Variants in SPIN1 observed in about 807,000 individuals in gnomAD.
The protein encoded by SPIN1 is spindlin 1, also known as spindlin-1.
Under a neutral mutation model 26.0 loss-of-function variants are expected in SPIN1, and 3 were observed. The observed-to-expected ratio is 0.12, with a 90% confidence interval of 0.05 to 0.30. The LOEUF (loss-of-function observed/expected upper bound fraction) is 0.30. SPIN1 is among the 10% of genes least tolerant of loss of function. The pLI, the probability that SPIN1 is intolerant of heterozygous loss-of-function variation, is 1.00. For synonymous variants in SPIN1, 101 were observed against 116.5 expected (o/e 0.87, Z 0.86); for missense variants, 126 against 333.4 (o/e 0.38, Z 4.84).
intron 1 of SPIN1, among the ~76,000 whole-genome samples, chr9:88,397,533 T>G (rs1249059125): frequency 6.6e-6 from 1 of 152,094 alleles, no homozygotes; most frequent in Non-Finnish European, 1.5e-5. Context: ...TTTAATGAAA[T>G]TTTCTGTGTG....
At chr9:88,397,326 C>T (rs554648791) in intron 1 of SPIN1, among the ~76,000 whole-genome samples, 24 of 152,062 alleles carry the variant, frequency 1.6e-4, no homozygotes, top group Non-Finnish European at 3.1e-4. Context: ...TGACTAATTA[C>T]TTTTGGGCCT....
chr9:88,428,293 A>G (rs1000417894), intron 2 of SPIN1, among the ~76,000 whole-genome samples: 1 of 152,238 alleles, frequency 6.6e-6, no homozygotes, highest in Non-Finnish European at 1.5e-5. Flanking sequence ...GATAGTGAAC[A>G]TACTAGTTCC....
chr9:88,423,245 T>C (rs1827704867), intron 1 of SPIN1, among the ~76,000 whole-genome samples: 1 of 152,220 alleles, frequency 6.6e-6, no homozygotes. Context: ...TTTCATTTCA[T>C]TGAATGAATT....
chr9:88,405,211 A>G (rs1055295722), intron 1 of SPIN1, among the ~76,000 whole-genome samples: 3 of 152,180 alleles, frequency 2.0e-5, no homozygotes, highest in Non-Finnish European at 4.4e-5. Flanking sequence ...AATGTACTGT[A>G]CGTAATTGTA....
At chr9:88,434,342 TAGTTTATTTTATAAATTATAAAA>T (rs1827952081) in intron 2 of SPIN1, among the ~76,000 whole-genome samples, 1 of 113,626 alleles carries the variant, frequency 8.8e-6, no homozygotes, top group Non-Finnish European at 1.8e-5. Flanking sequence ...AATTATAAAA[TAGTTTATTTTATAAATTATAAAA>T]TAGTTTATTT....
chr9:88,448,834 TTTC>T, intron 2 of SPIN1, 104 bp from the exon 3 acceptor site: 1 of 968,692 alleles, frequency 1.0e-6, no homozygotes, highest in Non-Finnish European at 1.6e-6. Context: ...AGTGGTGTAT[TTTC>T]TTTTCATATT....
chr9:88,471,491 T>C (rs1828784001), intron 5 of SPIN1, among the ~76,000 whole-genome samples: 1 of 151,624 alleles, frequency 6.6e-6, no homozygotes, highest in South Asian at 2.1e-4. Flanking sequence ...GGGGAAACCC[T>C]GTCTCTACTA....
At chr9:88,393,419 A>G (rs1225811862) in intron 1 of SPIN1, among the ~76,000 whole-genome samples, 1 of 150,090 alleles carries the variant, frequency 6.7e-6, no homozygotes, top group Non-Finnish European at 1.5e-5. Context: ...AAGGAGAGAA[A>G]AGAATGTCCT....
At chr9:88,411,384 C>A (rs543646195) in intron 1 of SPIN1, 5 of 1,592,456 alleles carry the variant, frequency 3.1e-6, no homozygotes, top group Non-Finnish European at 4.3e-6. Context: ...AGGCTCTCAT[C>A]GGTTGTTTCA....
At chr9:88,407,135 TAAAA>T (rs397893590) in intron 1 of SPIN1, among the ~76,000 whole-genome samples, 4 of 122,732 alleles carry the variant, frequency 3.3e-5, no homozygotes, top group Non-Finnish European at 3.4e-5. Context: ...GATCTTCCTT[TAAAA>T]AAAAAAAAAA....
At chr9:88,453,042 C>T (rs1828394886) in intron 3 of SPIN1, among the ~76,000 whole-genome samples, 1 of 152,112 alleles carries the variant, frequency 6.6e-6, no homozygotes, top group Non-Finnish European at 1.5e-5. Context: ...TATTTAAATA[C>T]TGGTTAGGAA....
chr9:88,438,999 A>G (rs1160668608), intron 2 of SPIN1, among the ~76,000 whole-genome samples: 1 of 152,160 alleles, frequency 6.6e-6, no homozygotes, highest in Non-Finnish European at 1.5e-5. Flanking sequence ...ACCATCCAGT[A>G]GAATGCTTGC....
chr9:88,418,382 A>G (rs966819678), intron 1 of SPIN1, among the ~76,000 whole-genome samples: 1 of 152,072 alleles, frequency 6.6e-6, no homozygotes, highest in Non-Finnish European at 1.5e-5. Flanking sequence ...TGTGACAACA[A>G]TTTTTTTTCT....
At chr9:88,452,956 C>T (rs1360856671) in intron 3 of SPIN1, among the ~76,000 whole-genome samples, 4 of 152,002 alleles carry the variant, frequency 2.6e-5, no homozygotes, top group Admixed American at 2.0e-4. Context: ...CAGGCATTTA[C>T]TGGTATGTGG....
At chr9:88,410,909 T>C in intron 1 of SPIN1, 1 of 1,029,222 alleles carries the variant, frequency 9.7e-7, no homozygotes, top group Non-Finnish European at 1.5e-6. Context: ...ACTAGCCATC[T>C]CTTGCTTTGA....
At chr9:88,428,135 A>T (rs765411777) in intron 2 of SPIN1, among the ~76,000 whole-genome samples, 59 of 152,190 alleles carry the variant, frequency 3.9e-4, no homozygotes, top group Non-Finnish European at 6.8e-4. Context: ...AAGTTCATAT[A>T]TGTACAGCAT....
At chr9:88,470,178 T>A (rs1362904040) in intron 5 of SPIN1, among the ~76,000 whole-genome samples, 1 of 152,248 alleles carries the variant, frequency 6.6e-6, no homozygotes, top group African/African-American at 2.4e-5. Context: ...ACGATTCCAT[T>A]GTATGGATAT....
At chr9:88,466,911 A>G (rs892024062) in intron 4 of SPIN1, among the ~76,000 whole-genome samples, 2 of 151,786 alleles carry the variant, frequency 1.3e-5, no homozygotes, top group Non-Finnish European at 2.9e-5. Flanking sequence ...AATTTTTTGT[A>G]TTTTTAGTAG....
intron 2 of SPIN1, among the ~76,000 whole-genome samples, chr9:88,443,233 T>C (rs1222161065): frequency 6.6e-6 from 1 of 152,190 alleles, no homozygotes; most frequent in Non-Finnish European, 1.5e-5. Context: ...TTTGTACTTG[T>C]CCCATAGTTC....
Sources: allele counts gnomAD v4.1 joint callset (sites outside exome capture counted in the v4.1 genomes callset), GRCh38; gene constraint gnomAD v4.1.1; transcripts MANE v1.5; gene names NCBI Gene and HGNC (gene_info 2026-07-23, HGNC 2026-07-21).